Variants in XYLB observed in about 807,000 individuals in gnomAD.
The protein encoded by XYLB is xylulose kinase.
Under a neutral mutation model 78.7 loss-of-function variants are expected in XYLB, and 62 were observed. That is an observed-to-expected ratio of 0.79 (90% confidence interval 0.64 to 0.97). The LOEUF is 0.97. XYLB is among the 50% of genes least tolerant of loss of function. The pLI is 0.00. For missense variants in XYLB, 687 were observed against 676.8 expected, an observed-to-expected ratio of 1.02 and a Z score of -0.17; for synonymous variants, 245 against 247.4, an observed-to-expected ratio of 0.99 and a Z score of 0.09.
chr3:38,444,462 T>G, the XYLB span, among the ~76,000 whole-genome samples: 4 of 152,148 alleles, frequency 2.6e-5, no homozygotes, highest in Non-Finnish European at 4.4e-5. Context: ...GAATGAAAAT[T>G]GCAAGCTTTG....
At chr3:38,410,005 A>G (rs1559621066) in intron 18 of XYLB, among the ~76,000 whole-genome samples, 2 of 152,172 alleles carry the variant, frequency 1.3e-5, no homozygotes, top group Admixed American at 1.3e-4. Flanking sequence ...GCTACCAATG[A>G]CTTTCTTCAC....
chr3:38,375,315 T>C, intron 12 of XYLB, 56 bp downstream of exon 12: 1 of 1,497,730 alleles, frequency 6.7e-7, no homozygotes, highest in Non-Finnish European at 9.3e-7. Flanking sequence ...TGGGCAGGTC[T>C]GGCACCATCT....
At chr3:38,407,731 A>G (rs1708388815) in intron 18 of XYLB, among the ~76,000 whole-genome samples, 2 of 152,070 alleles carry the variant, frequency 1.3e-5, no homozygotes, top group South Asian at 4.2e-4. Context: ...AGGGGTTGCA[A>G]TCCTAGTCTC....
chr3:38,419,543 T>C (rs1315400166), downstream of XYLB, among the ~76,000 whole-genome samples: 1 of 142,176 alleles, frequency 7.0e-6, no homozygotes, highest in African/African-American at 2.6e-5. Context: ...GGGATCTAGT[T>C]TCTCTACATC....
chr3:38,378,420 A>C (rs542400896), intron 14 of XYLB, among the ~76,000 whole-genome samples: 1 of 152,348 alleles, frequency 6.6e-6, no homozygotes, highest in Non-Finnish European at 1.5e-5. Context: ...CGACTGAATG[A>C]GCATGTACAT....
At chr3:38,400,052 C>A (rs6809970) in intron 17 of XYLB, among the ~76,000 whole-genome samples, 17,788 of 152,160 alleles carry the variant, frequency 0.12, 1,670 homozygotes, top group African/African-American at 0.26. Context: ...TTCAGAGGGC[C>A]CTTCTTCACT....
chr3:38,353,368 G>A (rs1206245764), intron 2 of XYLB, among the ~76,000 whole-genome samples: 2 of 152,082 alleles, frequency 1.3e-5, no homozygotes, highest in Non-Finnish European at 2.9e-5. Flanking sequence ...GTGCAGTGGT[G>A]TGATTCAGCT....
At chr3:38,410,412 A>T (rs1306351850) in intron 18 of XYLB, among the ~76,000 whole-genome samples, 1 of 152,168 alleles carries the variant, frequency 6.6e-6, no homozygotes, top group Non-Finnish European at 1.5e-5. Context: ...TAAATGTTAG[A>T]CCTAAAACCA....
the XYLB span, among the ~76,000 whole-genome samples, chr3:38,443,496 A>G: frequency 3.3e-5 from 5 of 152,046 alleles, no homozygotes; most frequent in African/African-American, 1.2e-4. Context: ...GGCCTGCTCT[A>G]TTTTCTGTCC....
rs542197559 is a variant in XYLB at position 38,375,081 on chromosome 3, C to T, written c.889-63C>T. The T allele has an allele frequency of 5.9e-6, 8 of 1,366,182 alleles. No homozygotes were observed. In the African/African-American group the frequency reaches 7.2e-5, roughly 12 times the overall value. The allele number at this position is 1,366,182 out of a possible 1,614,324, so 84.6% of individuals were successfully genotyped here. A position where few individuals can be genotyped will look rare whatever the true frequency, so the allele number is the denominator to read the frequency against. On this transcript the variant is annotated intron_variant, in intron 11 of 18. Coordinates refer to ENST00000207870, the MANE Select transcript of XYLB (RefSeq NM_005108.4). ...AAGGTGGGTGGAGTACAGCGCGTCG[C>T]TGGCAGAGGGCAGCGTGTGTGGGCA... is the stretch of plus-strand genomic sequence containing the variant.
intron 2 of XYLB, among the ~76,000 whole-genome samples, chr3:38,358,334 TG>T (rs1705782575): frequency 2.8e-5 from 2 of 72,004 alleles, no homozygotes; most frequent in African/African-American, 3.6e-5. Flanking sequence ...TGTGTGTGTG[TG>T]TGTGTGTGTG....
intron 18 of XYLB, among the ~76,000 whole-genome samples, chr3:38,410,762 CAA>C (rs1219900630): frequency 2.6e-5 from 4 of 151,850 alleles, no homozygotes; most frequent in Admixed American, 6.6e-5. Context: ...TTTATGCAGC[CAA>C]AAGACACATG....
intron 15 of XYLB, among the ~76,000 whole-genome samples, chr3:38,382,012 C>T (rs1707169607): frequency 6.6e-6 from 1 of 152,168 alleles, no homozygotes; most frequent in South Asian, 2.1e-4. Flanking sequence ...TGTGGGGCAT[C>T]ACGGATCCTA....
intron 3 of XYLB, among the ~76,000 whole-genome samples, chr3:38,362,519 T>G (rs1706027471): frequency 2.0e-5 from 3 of 152,094 alleles, no homozygotes; most frequent in African/African-American, 7.2e-5. Context: ...ATTACAGGTG[T>G]GAGGTGATGG....
chr3:38,396,899 ACT>A (rs1707893215), intron 16 of XYLB, among the ~76,000 whole-genome samples, 171 bp from the exon 17 acceptor site: 2 of 151,932 alleles, frequency 1.3e-5, no homozygotes, highest in Non-Finnish European at 2.9e-5. Context: ...GCTCATCCTG[ACT>A]CTATTATCAC....
At chr3:38,364,727 ATAG>A in intron 4 of XYLB, among the ~76,000 whole-genome samples, 1 of 3,198 alleles carries the variant, frequency 3.1e-4, no homozygotes, top group African/African-American at 3.9e-4. Flanking sequence ...ATAGGGTTTT[ATAG>A]TTGTACATTT....
chr3:38,445,576 T>C, the XYLB span, among the ~76,000 whole-genome samples: 1 of 152,194 alleles, frequency 6.6e-6, no homozygotes, highest in African/African-American at 2.4e-5. Context: ...CAATGTAACT[T>C]TGAGAGTTCC....
the XYLB span, among the ~76,000 whole-genome samples, chr3:38,439,266 G>A: frequency 6.6e-6 from 1 of 152,188 alleles, no homozygotes; most frequent in Non-Finnish European, 1.5e-5. Flanking sequence ...TGGTCCAGGG[G>A]TCCTCAGTAG....
intron 2 of XYLB, 28 bp from the exon 3 acceptor site, chr3:38,360,311 T>G (rs780456252): frequency 1.2e-6 from 2 of 1,607,722 alleles, no homozygotes; most frequent in Non-Finnish European, 1.7e-6. Context: ...CCTGAGGCTC[T>G]GGTCTACATT....
Sources: allele counts gnomAD v4.1 joint callset (sites outside exome capture counted in the v4.1 genomes callset), GRCh38; gene constraint gnomAD v4.1.1; transcripts MANE v1.5; gene names NCBI Gene and HGNC (gene_info 2026-07-23, HGNC 2026-07-21).